Variants in VRTN observed in about 807,000 individuals in gnomAD.
The protein encoded by VRTN is vertebrae development associated, also known as vertnin.
Under a neutral mutation model 18.2 loss-of-function variants are expected in VRTN, and 5 were observed. That is an observed-to-expected ratio of 0.27 (90% CI 0.14 to 0.58). The LOEUF (loss-of-function observed/expected upper bound fraction) is 0.58, where lower values mean the gene tolerates loss of function less well. Ranked by LOEUF, VRTN falls within the 20% of genes least tolerant of loss-of-function variation. The pLI is 0.91. For synonymous variants in VRTN, 381 were observed against 393.7 expected, an observed-to-expected ratio of 0.97 and a Z score of 0.38; for missense variants, 741 against 939.4, an observed-to-expected ratio of 0.79 and a Z score of 2.76.
intron 1 of VRTN, among the ~76,000 whole-genome samples, chr14:74,329,738 C>T (rs964977570): frequency 1.3e-5 from 2 of 151,846 alleles, no homozygotes; most frequent in African/African-American, 4.8e-5. Context: ...GCCACCATGC[C>T]CAGCTAATTT....
chr14:74,308,239 A>AC (rs1383422096), intron 1 of VRTN, among the ~76,000 whole-genome samples: 1 of 151,956 alleles, frequency 6.6e-6, no homozygotes, highest in Non-Finnish European at 1.5e-5. Context: ...ACATAGCTAG[A>AC]CCCCCATCTC....
chr14:74,311,916 C>T (rs951057533), intron 1 of VRTN, among the ~76,000 whole-genome samples: 1 of 151,388 alleles, frequency 6.6e-6, no homozygotes, highest in East Asian at 2.0e-4. Flanking sequence ...TTACAGGCAT[C>T]CGCCACCATG....
At chr14:74,307,527 A>T (rs1225808021) in intron 1 of VRTN, among the ~76,000 whole-genome samples, 2 of 152,112 alleles carry the variant, frequency 1.3e-5, no homozygotes, top group African/African-American at 4.8e-5. Flanking sequence ...CTTTCACAAT[A>T]AAAAAGAGTG....
chr14:74,316,741 A>G (rs527930407), intron 1 of VRTN, among the ~76,000 whole-genome samples: 23 of 144,062 alleles, frequency 1.6e-4, no homozygotes, highest in African/African-American at 5.7e-4. Flanking sequence ...GGTTCACGCC[A>G]TTCTCCTGCC....
Position 74,304,311 on chromosome 14 carries a change from T to C in VRTN, c.-164+1135T>C, listed in dbSNP as rs146816552. On this transcript the variant is annotated intron_variant, in intron 1 of 2. Coordinates refer to the VRTN transcript ENST00000557177. The stretch of plus-strand genomic sequence containing the variant: ...AGCTGGGATTACAGGCATGCACCAC[T>C]ATACCCGGCTAATTTTGTATTTTTA... 8.2e-3 allele frequency among the ~76,000 whole-genome samples: 1,233 copies of C among 151,000 alleles called. 10 individuals are homozygous for C. Among genetic ancestry groups the C allele is most frequent in the African/African-American group, 0.028 (1,169 of 41,076 alleles).
upstream of VRTN, among the ~76,000 whole-genome samples, chr14:74,344,244 T>TCCAAAAAA (rs760737512): frequency 4.0e-4 from 1 of 2,476 alleles, no homozygotes; most frequent in African/African-American, 1.9e-3. Flanking sequence ...CTCTGCTTTC[T>TCCAAAAAA]ACAAAAAAAA....
chr14:74,313,649 A>G (rs2085402408), intron 1 of VRTN, among the ~76,000 whole-genome samples: 2 of 152,162 alleles, frequency 1.3e-5, no homozygotes, highest in African/African-American at 4.8e-5. Flanking sequence ...CCCTGGAATC[A>G]TTTTGGAAAG....
At chr14:74,320,921 A>AAAAGC (rs1555410592) in intron 1 of VRTN, among the ~76,000 whole-genome samples, 23 of 144,092 alleles carry the variant, frequency 1.6e-4, no homozygotes, top group African/African-American at 5.7e-4. Flanking sequence ...AAAAAAAAAA[A>AAAAGC]AGCAGCAGCA....
chr14:74,347,728 C>A (rs1200158349), upstream of VRTN, among the ~76,000 whole-genome samples: 1 of 152,206 alleles, frequency 6.6e-6, no homozygotes, highest in African/African-American at 2.4e-5. Flanking sequence ...GGCCCCTGGG[C>A]CCTAGGTGAG....
intron 1 of VRTN, among the ~76,000 whole-genome samples, chr14:74,333,839 CA>C (rs894420868): frequency 2.7e-5 from 4 of 146,888 alleles, no homozygotes; most frequent in East Asian, 4.0e-4. Flanking sequence ...GACTCTGTCT[CA>C]AAAAAAAATA....
At position 74,331,542 on chromosome 14, in the gene VRTN, TTTTATATATATA is replaced by T. The variant is rs1279513991; in HGVS notation, c.-163-6179_-163-6168del. ...AAAACTCCATCTCAAAAAAAAAAAA[TTTTATATATATA>T]TATATATATATATATATATATATAT... On this transcript the variant is annotated intron_variant, in intron 1 of 2. Transcript: ENST00000557177. Among the ~76,000 whole-genome samples the T allele has an allele frequency of 7.1e-4, 46 of 64,922 alleles. 1 individual carries two copies. Among genetic ancestry groups the T allele is most frequent in the Middle Eastern group, 7.5e-3 (1 of 134 alleles). The allele number at this position is 64,922 out of a possible 152,430, so 42.6% of individuals were successfully genotyped here.
At chr14:74,331,264 A>G (rs2085521318) in intron 1 of VRTN, among the ~76,000 whole-genome samples, 1 of 151,606 alleles carries the variant, frequency 6.6e-6, no homozygotes. Context: ...ACAGTGGCTC[A>G]TGCCTGTAAT....
chr14:74,345,346 A>ATTTTTTTT (rs34124259), upstream of VRTN, among the ~76,000 whole-genome samples: 4 of 94,648 alleles, frequency 4.2e-5, no homozygotes, highest in Non-Finnish European at 8.0e-5. Flanking sequence ...CACCCTGCCT[A>ATTTTTTTT]TTTTTTTTTT....
chr14:74,346,489 C>G (rs982862673), upstream of VRTN, among the ~76,000 whole-genome samples: 1 of 152,018 alleles, frequency 6.6e-6, no homozygotes, highest in African/African-American at 2.4e-5. Context: ...TCATAGCTCA[C>G]TGCAGCTTCT....
In VRTN at chr14:74,358,081, G is replaced by C; in HGVS notation, c.1298G>C (p.Arg433Pro). The change falls in exon 2 of 2, where the codon CGG (arginine) becomes CCG (proline). Residue 433 changes from arginine (R) to proline (P), a missense_variant. This residue lies in a region of VRTN where 494 missense variants were observed against 546.5 expected (regional missense o/e 0.90). Transcript: ENST00000256362. This position sits in a 1 kb window ranked among gnomAD's most constrained non-coding sequence, Gnocchi z 5.4. ...CFKRRFPGIS[R>P]STYYNWRRKA... is the part of the protein sequence containing the mutation. Reference sequence around the variant, plus strand: ...AAACGCAGGTTCCCTGGCATCTCACGGTCCACTTATTATAATTGGCGGCGA... The same window carrying C: ...AAACGCAGGTTCCCTGGCATCTCACCGTCCACTTATTATAATTGGCGGCGA... 4 of 1,614,182 alleles carry C rather than the reference G, an allele frequency of 2.5e-6. No individual in the cohort carries two copies. The highest frequency in any genetic ancestry group is 3.4e-6 in the Non-Finnish European group (4 of 1,180,032).
At chr14:74,307,918 CAG>C (rs2085364402) in intron 1 of VRTN, among the ~76,000 whole-genome samples, 1 of 151,842 alleles carries the variant, frequency 6.6e-6, no homozygotes, top group African/African-American at 2.4e-5. Flanking sequence ...TTAGTAGAGA[CAG>C]GGTTTCACCA....
At chr14:74,329,904 G>C (rs2085511116) in intron 1 of VRTN, among the ~76,000 whole-genome samples, 1 of 138,350 alleles carries the variant, frequency 7.2e-6, no homozygotes. Context: ...ACAGAGTCTT[G>C]CTGTATCACC....
In VRTN at chr14:74,332,557, A is replaced by G. The variant is rs187716327; in HGVS notation, c.-163-5166A>G. Reference sequence around the variant, plus strand: ...TTTTTAGTAGAGATGGGGTTTCTCCATGTTGGTCAGGCTGGTCTCGAACTC... The same window carrying G: ...TTTTTAGTAGAGATGGGGTTTCTCCGTGTTGGTCAGGCTGGTCTCGAACTC... On this transcript the variant is annotated intron_variant, in intron 1 of 2. Transcript: ENST00000557177. Among the ~76,000 whole-genome samples the G allele has an allele frequency of 7.7e-3, 1,171 of 151,502 alleles. 14 individuals are homozygous for G. The highest frequency in any genetic ancestry group is 0.014 in the Middle Eastern group (4 of 294).
At chr14:74,345,346 ATTTT>A (rs34124259), upstream of VRTN, among the ~76,000 whole-genome samples, 473 of 94,616 alleles carry the variant, frequency 5.0e-3, no homozygotes, top group African/African-American at 8.1e-3. Flanking sequence ...CACCCTGCCT[ATTTT>A]TTTTTTTTTT....
Sources: allele counts gnomAD v4.1 joint callset (sites outside exome capture counted in the v4.1 genomes callset), GRCh38; gene constraint gnomAD v4.1.1; regional missense constraint gnomAD v4.1.1; non-coding constraint Gnocchi (gnomAD v3.1); transcripts MANE v1.5; gene names NCBI Gene and HGNC (gene_info 2026-07-23, HGNC 2026-07-21).